TENM2: variants seen among roughly 807,000 people sequenced by gnomAD.
The protein encoded by TENM2 is teneurin transmembrane protein 2.
Under a neutral mutation model 245.2 loss-of-function variants are expected in TENM2, and 52 were observed. That is an observed-to-expected ratio of 0.21 (90% CI 0.17 to 0.27). The LOEUF is 0.27. TENM2 is among the 10% of genes least tolerant of loss of function. The pLI is 1.00. For synonymous variants in TENM2, 1,363 were observed against 1,438.9 expected, an observed-to-expected ratio of 0.95 and a Z score of 1.19; for missense variants, 3,046 against 3,666.8, an observed-to-expected ratio of 0.83 and a Z score of 4.37.
chr5:167,076,161 T>C, the TENM2 span, among the ~76,000 whole-genome samples: 1 of 152,178 alleles, frequency 6.6e-6, no homozygotes, highest in African/African-American at 2.4e-5. Context: ...TGAAGTTGTG[T>C]ATAGAGTGGT....
At chr5:167,291,051 C>T (rs1013005254) in intron 1 of TENM2, among the ~76,000 whole-genome samples, 5 of 152,168 alleles carry the variant, frequency 3.3e-5, no homozygotes, top group Non-Finnish European at 7.3e-5. Flanking sequence ...ATAACTTTAG[C>T]CATTTGGCAA....
At chr5:167,532,653 T>C (rs1771584764) in intron 2 of TENM2, among the ~76,000 whole-genome samples, 1 of 151,670 alleles carries the variant, frequency 6.6e-6, no homozygotes, top group Non-Finnish European at 1.5e-5. Flanking sequence ...CAAGATGAGA[T>C]TTGGGTGGTG....
chr5:167,684,055 C>A lies in TENM2; in HGVS notation c.503-191931C>A, dbSNP rs115751031. On this transcript the variant is annotated intron_variant, in intron 2 of 28. Coordinates refer to ENST00000518659, the Ensembl canonical transcript of TENM2. ...CTCCTGCAGCTGGCGAAAGAACCAC[C>A]AGTGCCAGCTTCTCTTCTCCAGTCG... is the stretch of plus-strand genomic sequence containing the variant. Among the ~76,000 whole-genome samples the A allele has an allele frequency of 9.6e-3, 1,460 of 152,318 alleles. 19 individuals carry two copies. The highest frequency in any genetic ancestry group is 0.033 in the African/African-American group (1,389 of 41,552).
At chr5:167,061,787 CA>C in the TENM2 span, among the ~76,000 whole-genome samples, 1 of 151,630 alleles carries the variant, frequency 6.6e-6, no homozygotes, top group Admixed American at 6.6e-5. Flanking sequence ...GCACCAAAAA[CA>C]GTAACACAGA....
At chr5:167,898,529 C>T (rs1249130461) in intron 3 of TENM2, among the ~76,000 whole-genome samples, 1 of 152,136 alleles carries the variant, frequency 6.6e-6, no homozygotes, top group Non-Finnish European at 1.5e-5. Flanking sequence ...CAGGCAGCAG[C>T]CTGGACACCA....
At chr5:167,414,748 T>C (rs1381439944) in intron 2 of TENM2, among the ~76,000 whole-genome samples, 1 of 152,126 alleles carries the variant, frequency 6.6e-6, no homozygotes, top group Non-Finnish European at 1.5e-5. Flanking sequence ...ACTGATCAAA[T>C]GTAACCTATC....
At chr5:168,046,318 C>A (rs1021033975) in intron 5 of TENM2, among the ~76,000 whole-genome samples, 3 of 152,240 alleles carry the variant, frequency 2.0e-5, no homozygotes, top group African/African-American at 7.2e-5. Flanking sequence ...AGCCCTTTCT[C>A]TCCTGCGGTG....
chr5:167,043,792 G>A, the TENM2 span, among the ~76,000 whole-genome samples: 1 of 152,132 alleles, frequency 6.6e-6, no homozygotes, highest in African/African-American at 2.4e-5. Flanking sequence ...CGTGATCCGA[G>A]GTGGGCGGAT....
At chr5:168,238,949 C>T (rs1581732448) in intron 25 of TENM2, among the ~76,000 whole-genome samples, 1 of 152,106 alleles carries the variant, frequency 6.6e-6, no homozygotes, top group African/African-American at 2.4e-5. Context: ...CCTACCAAGC[C>T]GACTGGGAAG....
chr5:167,216,365 G>A, the TENM2 span, among the ~76,000 whole-genome samples: 1 of 152,170 alleles, frequency 6.6e-6, no homozygotes, highest in South Asian at 2.1e-4. Flanking sequence ...TCAATCTTGA[G>A]TCATGTTGTC....
chr5:167,684,794 A>G (rs1488300248), intron 2 of TENM2, among the ~76,000 whole-genome samples: 1 of 152,230 alleles, frequency 6.6e-6, no homozygotes, highest in Non-Finnish European at 1.5e-5. Context: ...CCATCTTCAC[A>G]TGCACTATCT....
At chr5:167,168,751 A>T in the TENM2 span, among the ~76,000 whole-genome samples, 1 of 151,804 alleles carries the variant, frequency 6.6e-6, no homozygotes. Flanking sequence ...GCCTGAGTTT[A>T]TTTTTTTTAA....
At chr5:168,216,705 C>T in intron 21 of TENM2, 63 bp from the exon 24 acceptor site, 1 of 1,561,068 alleles carries the variant, frequency 6.4e-7, no homozygotes, top group Middle Eastern at 1.7e-4. Flanking sequence ...TCTCATCTCC[C>T]ACCTCCACCC....
the TENM2 span, among the ~76,000 whole-genome samples, chr5:166,995,399 C>T: frequency 8.4e-4 from 127 of 151,954 alleles, no homozygotes; most frequent in Middle Eastern, 0.02. Flanking sequence ...GCCACCATGC[C>T]TGGCTAAATT....
chr5:167,499,521 T>C (rs1294661283), intron 2 of TENM2, among the ~76,000 whole-genome samples: 3 of 152,166 alleles, frequency 2.0e-5, no homozygotes, highest in Non-Finnish European at 2.9e-5. Flanking sequence ...AGAATAGTCA[T>C]GAGTTGATGA....
intron 4 of TENM2, among the ~76,000 whole-genome samples, chr5:167,988,402 C>T (rs1783409887): frequency 6.6e-6 from 1 of 151,960 alleles, no homozygotes; most frequent in Non-Finnish European, 1.5e-5. Flanking sequence ...ACGATGGGGA[C>T]AGACAATAAG....
intron 2 of TENM2, among the ~76,000 whole-genome samples, chr5:167,690,920 AGTATGTGTGTGTGTGTGTGTGTGT>A (rs756991069): frequency 7.3e-6 from 1 of 136,462 alleles, no homozygotes; most frequent in Admixed American, 7.2e-5. Context: ...CGTATATGCG[AGTATGTGTGTGTGTGTGTGTGTGT>A]GTGTGTGTGT....
At position 167,610,016 on chromosome 5, in the gene TENM2, C is replaced by G. The variant is rs771438553; in HGVS notation, c.502+234543C>G. 2.4e-4 allele frequency among the ~76,000 whole-genome samples: 36 copies of G among 152,044 alleles called. 1 individual carries two copies. Among genetic ancestry groups the G allele is most frequent in the South Asian group, 2.1e-4 (1 of 4,820 alleles). On this transcript the variant is annotated intron_variant, in intron 2 of 28. Transcript: ENST00000518659. ...CCAGGTTGTGACGTACACTTTTGAT[C>G]GGCTATAAATCAGGATTTCTACAAG...
At chr5:168,261,594 G>T (rs1456163645) in intron 28 of TENM2, among the ~76,000 whole-genome samples, 1 of 152,234 alleles carries the variant, frequency 6.6e-6, no homozygotes, top group African/African-American at 2.4e-5. Flanking sequence ...AGGAAATCTA[G>T]CTTACAGTGG....
Sources: gnomAD v4.1 joint callset for allele counts (sites outside exome capture counted in the v4.1 genomes callset) on GRCh38, gnomAD v4.1.1 for gene constraint, MANE v1.5 for transcripts, NCBI Gene and HGNC (gene_info 2026-07-23, HGNC 2026-07-21) for gene names.